CLEC2D: variants seen among roughly 807,000 people sequenced by gnomAD.
CLEC2D encodes the protein C-type lectin related f.
Under a neutral mutation model 20.0 loss-of-function variants are expected in CLEC2D, and 16 were observed. The ratio of observed to expected loss-of-function variants is 0.80; its 90% confidence interval spans 0.54 to 1.22. CLEC2D has a LOEUF of 1.22. CLEC2D is among the 50% of genes most tolerant of loss of function. The probability of loss-of-function intolerance (pLI) is 0.00; values close to 1 mark genes in which losing one functional copy is unlikely to be tolerated. For missense variants in CLEC2D, 207 were observed against 221.5 expected (o/e 0.93, Z 0.42); for synonymous variants, 77 against 71.1 (o/e 1.08, Z -0.42).
At chr12:9,691,962 T>G (rs1384998424) in intron 3 of CLEC2D, among the ~76,000 whole-genome samples, 1 of 152,210 alleles carries the variant, frequency 6.6e-6, no homozygotes, top group Non-Finnish European at 1.5e-5. Flanking sequence ...TTAATTGCGT[T>G]AAAATTCAGA....
At chr12:9,687,414 T>C (rs988370392) in intron 2 of CLEC2D, among the ~76,000 whole-genome samples, 2 of 152,206 alleles carry the variant, frequency 1.3e-5, no homozygotes, top group Admixed American at 1.3e-4. Flanking sequence ...GGGGAGTGGC[T>C]GTAAATACAG....
intron 2 of CLEC2D, among the ~76,000 whole-genome samples, chr12:9,683,344 T>G (rs1452078656): frequency 1.3e-5 from 2 of 149,072 alleles, no homozygotes; most frequent in African/African-American, 2.5e-5. Flanking sequence ...TGTTTTTTTT[T>G]TTTTTTTTTT....
Position 9,683,322 on chromosome 12 carries a change from G to GTTTTTTTTTTTTT in CLEC2D, c.172+2295_172+2296insTTTTTTTTTTTTT, listed in dbSNP as rs1226655704. 7.4e-5 allele frequency among the ~76,000 whole-genome samples: 6 copies of GTTTTTTTTTTTTT among 80,880 alleles called. 2 individuals carry two copies. Among genetic ancestry groups the GTTTTTTTTTTTTT allele is most frequent in the Admixed American group, 2.4e-4 (2 of 8,290 alleles). The allele number at this position is 80,880 out of a possible 152,430, so 53.1% of individuals were successfully genotyped here. On this transcript the variant is annotated intron_variant, in intron 2 of 4. Coordinates refer to ENST00000290855, the MANE Select transcript of CLEC2D (RefSeq NM_013269.6). The stretch of plus-strand genomic sequence containing the variant: ...TGCCTGTTCACTCTGATGATAGTTT[G>GTTTTTTTTTTTTT]TTTTTTGTGTTTGTTTTTTTTTTTT...
Position 9,695,659 on chromosome 12 carries a change from G to A in CLEC2D, c.*785G>A, listed in dbSNP as rs970909810. 21 of 1,576,662 alleles carry A rather than the reference G, an allele frequency of 1.3e-5. No individual in the cohort carries two copies. In the African/African-American group the frequency reaches 2.8e-4, roughly 21 times the overall value. ...GCCAACGGTTTCTCTTGGGGGCTTT[G>A]AAATAACACCACCAGTGGACTTAAG... On this transcript the variant is annotated 3_prime_UTR_variant, in exon 5 of 5. Transcript: ENST00000290855.
At chr12:9,672,163 GCA>G (rs1865437039) in intron 1 of CLEC2D, among the ~76,000 whole-genome samples, 1 of 50,478 alleles carries the variant, frequency 2.0e-5, no homozygotes, top group Non-Finnish European at 4.7e-5. Context: ...GGGCAAGAGA[GCA>G]CATGCATAAG....
At chr12:9,672,306 C>A (rs1444954868) in intron 1 of CLEC2D, among the ~76,000 whole-genome samples, 1 of 152,194 alleles carries the variant, frequency 6.6e-6, no homozygotes, top group Non-Finnish European at 1.5e-5. Context: ...AACACTATTG[C>A]ATTGGGGATT....
chr12:9,682,173 T>C (rs920177948), intron 2 of CLEC2D, among the ~76,000 whole-genome samples: 1 of 152,218 alleles, frequency 6.6e-6, no homozygotes, highest in Non-Finnish European at 1.5e-5. Context: ...CATCTTCTAA[T>C]CTGGTCATTT....
At chr12:9,681,531 C>T (rs1430338978) in intron 2 of CLEC2D, among the ~76,000 whole-genome samples, 1 of 152,112 alleles carries the variant, frequency 6.6e-6, no homozygotes, top group African/African-American at 2.4e-5. Flanking sequence ...AGAAAACAAA[C>T]TCCGTTTAGT....
At chr12:9,687,750 A>T in intron 2 of CLEC2D, 152 bp from the exon 3 acceptor site, 1 of 448,754 alleles carries the variant, frequency 2.2e-6, no homozygotes, top group Non-Finnish European at 3.6e-6. Flanking sequence ...GTATGCAATT[A>T]TATTTAGCAT....
chr12:9,688,626 G>A (rs1332250025), intron 3 of CLEC2D, among the ~76,000 whole-genome samples: 1 of 152,204 alleles, frequency 6.6e-6, no homozygotes, highest in Non-Finnish European at 1.5e-5. Flanking sequence ...GGCTGAGGCA[G>A]CAGAATTGCT....
rs553328198 is a variant in CLEC2D, at chr12:9,696,542, ATAAAG to A, written c.*1673_*1677del. ...ACGTGAAATAAAACTCAGTATTTTA[ATAAAG>A]TAAAAAAAAAAAAAAAGGTATGGGG... On this transcript the variant is annotated 3_prime_UTR_variant, in exon 5 of 5. Transcript: ENST00000290855. The A allele has an allele frequency of 0.073, 7,034 of 96,064 alleles. 118 individuals carry two copies. The highest frequency in any genetic ancestry group is 0.083 in the Non-Finnish European group (4,224 of 50,700). 6.0% of individuals were successfully genotyped at this position (96,064 alleles called of 1,614,324 possible).
chr12:9,687,548 G>C (rs994711341), intron 2 of CLEC2D, among the ~76,000 whole-genome samples: 1 of 152,200 alleles, frequency 6.6e-6, no homozygotes, highest in Non-Finnish European at 1.5e-5. Flanking sequence ...AGCACTTGGA[G>C]AACTATCTGT....
chr12:9,673,705 C>T (rs1280165370), intron 1 of CLEC2D, among the ~76,000 whole-genome samples: 2 of 152,196 alleles, frequency 1.3e-5, no homozygotes, highest in South Asian at 4.1e-4. Context: ...TCTGACTCAG[C>T]GAGATGAGAG....
chr12:9,696,536 A>T lies in CLEC2D; in HGVS notation c.*1662A>T. The stretch of plus-strand genomic sequence containing the variant: ...GTATACACGTGAAATAAAACTCAGT[A>T]TTTTAATAAAGTAAAAAAAAAAAAA... On this transcript the variant is annotated 3_prime_UTR_variant, in exon 5 of 5. Transcript: ENST00000290855. 7.5e-6 allele frequency: 1 copy of T among 132,834 alleles called. No individual in the cohort carries two copies. The allele number at this position is 132,834 out of a possible 1,614,324, so 8.2% of individuals were successfully genotyped here.
intron 2 of CLEC2D, among the ~76,000 whole-genome samples, chr12:9,681,429 T>A (rs1865633367): frequency 6.6e-6 from 1 of 152,216 alleles, no homozygotes; most frequent in Admixed American, 6.5e-5. Context: ...ACTAAGTGGC[T>A]GTATAACATC....
chr12:9,685,069 G>T (rs1201479635), intron 2 of CLEC2D, among the ~76,000 whole-genome samples: 1 of 152,192 alleles, frequency 6.6e-6, no homozygotes, highest in Non-Finnish European at 1.5e-5. Flanking sequence ...CCTGTTATTG[G>T]TCTATTCAGG....
intron 1 of CLEC2D, among the ~76,000 whole-genome samples, chr12:9,677,487 C>T (rs1591690560): frequency 6.6e-6 from 1 of 152,072 alleles, no homozygotes; most frequent in South Asian, 2.1e-4. Flanking sequence ...AGAGCAGACG[C>T]TGTATGATTT....
At chr12:9,679,370 A>G (rs1412463654) in intron 1 of CLEC2D, among the ~76,000 whole-genome samples, 1 of 152,138 alleles carries the variant, frequency 6.6e-6, no homozygotes, top group Non-Finnish European at 1.5e-5. Flanking sequence ...AGACAAGTCT[A>G]CTGGCAACAA....
chr12:9,679,357 A>G (rs1436556006), intron 1 of CLEC2D, among the ~76,000 whole-genome samples: 1 of 152,016 alleles, frequency 6.6e-6, no homozygotes, highest in Non-Finnish European at 1.5e-5. Context: ...GTTTTTTGAT[A>G]TAAGACAAGT....
Sources: gnomAD v4.1 joint callset for allele counts (sites outside exome capture counted in the v4.1 genomes callset) on GRCh38, gnomAD v4.1.1 for gene constraint, MANE v1.5 for transcripts, NCBI Gene and HGNC (gene_info 2026-07-23, HGNC 2026-07-21) for gene names.